GALNT18: variants seen among roughly 807,000 people sequenced by gnomAD.
The protein encoded by GALNT18 is GalNAc-transferase 18.
A neutral mutation model predicts 69.5 loss-of-function variants in GALNT18; 44 were observed. The observed-to-expected ratio is 0.63, with a 90% CI of 0.50 to 0.81. The LOEUF (loss-of-function observed/expected upper bound fraction) is 0.81. Among genes scored for constraint, GALNT18 ranks in the 40% least tolerant of loss-of-function variants. The pLI, the probability that GALNT18 is intolerant of heterozygous loss-of-function variation, is 0.00. For missense variants in GALNT18, 715 were observed against 810.0 expected (o/e 0.88, Z 1.42); for synonymous variants, 364 against 318.2 (o/e 1.14, Z -1.53).
chr11:11,524,762 A>G (rs1448464180), intron 1 of GALNT18, among the ~76,000 whole-genome samples: 1 of 152,250 alleles, frequency 6.6e-6, no homozygotes, highest in Non-Finnish European at 1.5e-5. Context: ...ACAGACTGAT[A>G]CACATTTATG....
intron 2 of GALNT18, among the ~76,000 whole-genome samples, chr11:11,438,923 C>G (rs929002890): frequency 6.6e-6 from 1 of 152,152 alleles, no homozygotes; most frequent in African/African-American, 2.4e-5. Flanking sequence ...CTCCTTGCAC[C>G]GAGGCTGCTG....
At chr11:11,434,708 G>T (rs540753267) in intron 2 of GALNT18, among the ~76,000 whole-genome samples, 1 of 152,224 alleles carries the variant, frequency 6.6e-6, no homozygotes, top group East Asian at 1.9e-4. Context: ...GGAACCAGCT[G>T]ATTTAACCAT....
At position 11,478,795 on chromosome 11, in the gene GALNT18, C is replaced by T. The variant is rs532530005; in HGVS notation, c.236-29859G>A. Among the ~76,000 whole-genome samples, 69 of 146,666 alleles carry T rather than the reference C, an allele frequency of 4.7e-4. 1 individual carries two copies. The highest frequency in any genetic ancestry group is 1.6e-3 in the African/African-American group (63 of 39,294). On this transcript the variant is annotated intron_variant, in intron 1 of 10. Coordinates refer to ENST00000227756, the MANE Select transcript of GALNT18 (RefSeq NM_198516.3). ...AGAGCAGGCTGACTCCTGCAAGCCG[C>T]GTTTCTCAATTGGCTTCTATGTGAA...
Position 11,621,525 on chromosome 11 carries a change from G to A in GALNT18, c.69C>T (p.Ile23=), listed in dbSNP as rs1860193286. The change falls in exon 1 of 11, where the codon ATC becomes ATT. Residue 23 remains isoleucine (I), a synonymous_variant. Coordinates refer to ENST00000227756, the MANE Select transcript of GALNT18 (RefSeq NM_198516.3). This position sits in a 1 kb window ranked among gnomAD's most constrained non-coding sequence, Gnocchi z 9.3. ...CCCAGCCCACGTAGAGCAGGCAGAT[G>A]ATGTTAGTCATGCCGCTCAGGATCA... is the stretch of plus-strand genomic sequence containing the variant. ...TCVILSGMTN[I]ICLLYVGWVT... The A allele has an allele frequency of 1.2e-6, 2 of 1,614,110 alleles. No individual in the cohort carries two copies. The highest frequency in any genetic ancestry group is 1.7e-6 in the Non-Finnish European group (2 of 1,180,008).
chr11:11,428,317 T>C (rs777678316), intron 3 of GALNT18, among the ~76,000 whole-genome samples: 10 of 152,338 alleles, frequency 6.6e-5, no homozygotes, highest in Non-Finnish European at 1.3e-4. Context: ...TCTTCCCCTT[T>C]TGAGGGTTCA....
Position 11,432,651 on chromosome 11 carries a change from T to A in GALNT18, c.565A>T (p.Ile189Phe), listed in dbSNP as rs762459442. 4.3e-6 allele frequency: 7 copies of A among 1,610,982 alleles called. No individual in the cohort carries two copies. The East Asian group carries it at 1.6e-4, about 36-fold the overall frequency. The change falls in exon 3 of 11, where the codon ATC (isoleucine) becomes TTC (phenylalanine). Residue 189 changes from isoleucine to phenylalanine, a missense_variant. By Grantham distance (21) the Ile-to-Phe change is conservative. Coordinates refer to ENST00000227756, the MANE Select transcript of GALNT18 (RefSeq NM_198516.3). The surrounding 1 kb of genome is among the most constrained non-coding windows in gnomAD (Gnocchi z 5.8). ...ERTPPHLLKE[I>F]ILVDDNSSNE... The stretch of plus-strand genomic sequence containing the variant: ...CTGCTGTTGTCATCCACCAGAATGA[T>A]CTCCTTGAGCAGATGTGGGGGCGTG...
chr11:11,289,705 G>T (rs920714724), intron 10 of GALNT18, among the ~76,000 whole-genome samples: 3 of 152,206 alleles, frequency 2.0e-5, no homozygotes, highest in African/African-American at 4.8e-5. Context: ...GGACCTCAGA[G>T]CGTGGGTGGG....
chr11:11,327,162 G>T lies in GALNT18; in HGVS notation c.1436C>A (p.Thr479Asn), dbSNP rs1405631776. The change falls in exon 9 of 11, where the codon ACT (threonine) becomes AAT (asparagine). Residue 479 changes from threonine (T) to asparagine (N), a missense_variant. Thr to Asn is a moderately conservative substitution (Grantham distance 65, BLOSUM62 0). Coordinates refer to ENST00000227756, the MANE Select transcript of GALNT18 (RefSeq NM_198516.3). ...TGGCCCCTGGTCAAGACACAAATCA[G>T]TCTTCAGAGAATTCTGCAGCTGAAC... ...AYGVLQNSLKTDLCLDQGPDT... is the reference protein window; with the variant it reads ...AYGVLQNSLKNDLCLDQGPDT... 1 of 1,613,836 alleles carries T rather than the reference G, an allele frequency of 6.2e-7. No homozygotes were observed. Among genetic ancestry groups the T allele is most frequent in the Non-Finnish European group, 8.5e-7 (1 of 1,179,690 alleles).
chr11:11,281,250 G>C lies in GALNT18; in HGVS notation c.1678-9960C>G, dbSNP rs994940798. ...TGAGGACACAGCTGCTTTCCTGGCGGTTAGCTGTGTGGCCTGGGCAAGCCT... is the reference window on the plus strand; with the variant it reads ...TGAGGACACAGCTGCTTTCCTGGCGCTTAGCTGTGTGGCCTGGGCAAGCCT... On this transcript the variant is annotated intron_variant, in intron 10 of 10. Coordinates refer to ENST00000227756, the MANE Select transcript of GALNT18 (RefSeq NM_198516.3). Among the ~76,000 whole-genome samples the C allele has an allele frequency of 2.8e-4, 42 of 152,174 alleles. 1 individual carries two copies. The highest frequency in any genetic ancestry group is 9.4e-4 in the African/African-American group (39 of 41,500).
rs149714507 is a variant in GALNT18, at chr11:11,494,642, G to A, written c.236-45706C>T. ...TCTGCCACACATGAATTTCTACACA[G>A]CCTCAGCCTTTTTTGCTTTTAAGTG... On this transcript the variant is annotated intron_variant, in intron 1 of 10. Coordinates refer to ENST00000227756, the MANE Select transcript of GALNT18 (RefSeq NM_198516.3). This position sits in a 1 kb window ranked among gnomAD's most constrained non-coding sequence, Gnocchi z 5.7. 7.0e-4 allele frequency among the ~76,000 whole-genome samples: 107 copies of A among 152,262 alleles called. No individual in the cohort carries two copies. The highest frequency in any genetic ancestry group is 2.5e-3 in the African/African-American group (102 of 41,550).
intron 7 of GALNT18, among the ~76,000 whole-genome samples, chr11:11,333,092 A>AG (rs1435979141): frequency 6.7e-6 from 1 of 149,314 alleles, no homozygotes; most frequent in Non-Finnish European, 1.5e-5. Flanking sequence ...TCCTTAAAGA[A>AG]AAAAAAAAAA....
At chr11:11,455,659 GA>G (rs147633881) in intron 1 of GALNT18, among the ~76,000 whole-genome samples, 3,759 of 152,312 alleles carry the variant, frequency 0.025, 149 homozygotes, top group African/African-American at 0.086. Flanking sequence ...GTAGCCCATG[GA>G]ATGGGGGCAG....
At chr11:11,558,125 T>A (rs867096123) in intron 1 of GALNT18, among the ~76,000 whole-genome samples, 17 of 152,160 alleles carry the variant, frequency 1.1e-4, no homozygotes, top group African/African-American at 4.1e-4. Context: ...TGCCACAAGA[T>A]GTTTAGAAAA....
chr11:11,597,949 C>T (rs114565455), intron 1 of GALNT18, among the ~76,000 whole-genome samples: 1,890 of 152,192 alleles, frequency 0.012, 47 homozygotes, highest in African/African-American at 0.043. Context: ...CGTGAGCCAC[C>T]GCGCCTGACC....
At chr11:11,398,785 C>T (rs1383580537) in intron 3 of GALNT18, among the ~76,000 whole-genome samples, 1 of 152,152 alleles carries the variant, frequency 6.6e-6, no homozygotes, top group Non-Finnish European at 1.5e-5. Context: ...ATACTACAGA[C>T]AATGGGACTT....
At chr11:11,317,209 C>A (rs758621138) in intron 9 of GALNT18, among the ~76,000 whole-genome samples, 6 of 152,212 alleles carry the variant, frequency 3.9e-5, no homozygotes, top group Non-Finnish European at 7.3e-5. Flanking sequence ...TTTCTCCTAT[C>A]CAAGGCCTTC....
chr11:11,418,476 C>T (rs762409678), intron 3 of GALNT18, among the ~76,000 whole-genome samples: 13 of 152,150 alleles, frequency 8.5e-5, no homozygotes, highest in Non-Finnish European at 1.6e-4. Context: ...TCCATTTACC[C>T]AAATCCATTC....
Position 11,327,247 on chromosome 11 carries a change from C to T in GALNT18, c.1417-66G>A, listed in dbSNP as rs75793419. ...AACAGAGAGAGCAAATGAATTAACT[C>T]TGGAGAAACAAGTATTCTGCTGAGA... On this transcript the variant is annotated intron_variant, in intron 8 of 10. Transcript: ENST00000227756. 78,293 of 1,185,814 alleles carry T rather than the reference C, an allele frequency of 0.066. 2,875 individuals carry two copies. Among genetic ancestry groups the T allele is most frequent in the Middle Eastern group, 0.081 (421 of 5,220 alleles). 73.5% of individuals were successfully genotyped at this position (1,185,814 alleles called of 1,614,324 possible). A position where few individuals can be genotyped will look rare whatever the true frequency, so the allele number is the denominator to read the frequency against.
intron 1 of GALNT18, among the ~76,000 whole-genome samples, chr11:11,520,012 A>G (rs957855022): frequency 2.0e-5 from 3 of 152,204 alleles, no homozygotes; most frequent in African/African-American, 7.2e-5. Flanking sequence ...GGGGTCCAAG[A>G]GCTAGAGGCA....
Sources: allele counts gnomAD v4.1 joint callset (sites outside exome capture counted in the v4.1 genomes callset), GRCh38; gene constraint gnomAD v4.1.1; non-coding constraint Gnocchi (gnomAD v3.1); transcripts MANE v1.5; gene names NCBI Gene and HGNC (gene_info 2026-07-23, HGNC 2026-07-21).